Variants in ZDHHC6 observed in about 807,000 individuals in gnomAD.
The protein encoded by ZDHHC6 is palmitoyltransferase ZDHHC6.
A neutral mutation model predicts 57.8 loss-of-function variants in ZDHHC6; 32 were observed. The ratio of observed to expected loss-of-function variants is 0.55; its 90% CI spans 0.42 to 0.74. The LOEUF is 0.74. Among genes scored for constraint, ZDHHC6 ranks in the 30% least tolerant of loss-of-function variants. The pLI is 0.00. For synonymous variants in ZDHHC6, 128 were observed against 158.0 expected (o/e 0.81, Z 1.42); for missense variants, 433 against 500.7 (o/e 0.86, Z 1.29).
At chr10:112,425,647 T>C, downstream of ZDHHC6, 1 of 613,412 alleles carries the variant, frequency 1.6e-6, no homozygotes, top group Non-Finnish European at 2.5e-6. Flanking sequence ...TAAGGCAATT[T>C]CAATTTAAAA....
chr10:112,436,193 C>T (rs969734980), intron 6 of ZDHHC6, among the ~76,000 whole-genome samples: 3 of 152,004 alleles, frequency 2.0e-5, no homozygotes, highest in Non-Finnish European at 2.9e-5. Flanking sequence ...AAAAGAAGTC[C>T]GCCAGGTGCA....
At chr10:112,439,628 TAAAAAAAAAAAAAAAAAAAAA>T (rs869272293) in intron 5 of ZDHHC6, among the ~76,000 whole-genome samples, 65 of 31,304 alleles carry the variant, frequency 2.1e-3, no homozygotes, top group East Asian at 0.011. Context: ...AGACTCCGTC[TAAAAAAAAAAAAAAAAAAAAA>T]AAAAAAAAAA....
Position 112,434,279 on chromosome 10 carries a change from T to G in ZDHHC6, c.903+18A>C. Reference sequence around the variant, plus strand: ...AGGCGAGGCAAAAAGGAAGGGCTATTTGAACAAAAATACTCACTGTTAAGC... The same window carrying G: ...AGGCGAGGCAAAAAGGAAGGGCTATGTGAACAAAAATACTCACTGTTAAGC... On this transcript the variant is annotated intron_variant, in intron 7 of 10. Transcript: ENST00000369405. The G allele has an allele frequency of 6.5e-7, 1 of 1,539,226 alleles. No individual in the cohort carries two copies.
chr10:112,445,473 T>A lies in ZDHHC6; in HGVS notation c.-37A>T. The A allele has an allele frequency of 2.5e-6, 4 of 1,597,558 alleles. No homozygotes were observed. The highest frequency in any genetic ancestry group is 3.4e-6 in the Non-Finnish European group (4 of 1,171,412). On this transcript the variant is annotated 5_prime_UTR_variant, in exon 2 of 11. Transcript: ENST00000369405. ...AGAATGCCTTCCTACTTTAAAAGAA[T>A]TATAGATTTCCTTTTTCTGTGCGCA... is the stretch of plus-strand genomic sequence containing the variant.
downstream of ZDHHC6, chr10:112,427,286 A>G: frequency 6.2e-7 from 1 of 1,614,028 alleles, no homozygotes; most frequent in Non-Finnish European, 8.5e-7. Flanking sequence ...CAACATTGAA[A>G]GCAAAGCGAG....
At chr10:112,428,711 C>T (rs1844832728), downstream of ZDHHC6, among the ~76,000 whole-genome samples, 2 of 151,806 alleles carry the variant, frequency 1.3e-5, no homozygotes, top group Non-Finnish European at 1.5e-5. Context: ...GCGGAGCTTG[C>T]AGCGAGCCGA....
chr10:112,438,950 A>G (rs1354496075), intron 5 of ZDHHC6, among the ~76,000 whole-genome samples: 1 of 152,194 alleles, frequency 6.6e-6, no homozygotes, highest in Non-Finnish European at 1.5e-5. Flanking sequence ...TTTATTTCTA[A>G]TATGATTCTA....
At chr10:112,426,990 A>T, downstream of ZDHHC6, 14 of 927,158 alleles carry the variant, frequency 1.5e-5, no homozygotes, top group Non-Finnish European at 2.3e-5. Flanking sequence ...CTACAAAATG[A>T]CCTTTTGTAG....
chr10:112,439,156 T>A (rs1317946740), intron 5 of ZDHHC6, among the ~76,000 whole-genome samples: 1 of 152,116 alleles, frequency 6.6e-6, no homozygotes, highest in African/African-American at 2.4e-5. Flanking sequence ...GCCATTGCAC[T>A]CCAGCCTGGG....
chr10:112,435,481 A>G (rs1845438027), intron 6 of ZDHHC6, among the ~76,000 whole-genome samples: 1 of 152,204 alleles, frequency 6.6e-6, no homozygotes, highest in Non-Finnish European at 1.5e-5. Flanking sequence ...GTCATCCACA[A>G]AAACAAACAA....
At chr10:112,446,306 G>C (rs1001400886) in intron 1 of ZDHHC6, among the ~76,000 whole-genome samples, 7 of 152,156 alleles carry the variant, frequency 4.6e-5, no homozygotes, top group Admixed American at 1.3e-4. Flanking sequence ...TGTGGTGTGT[G>C]TGAAATTATG....
intron 1 of ZDHHC6, 139 bp downstream of exon 1, chr10:112,446,566 G>C (rs1028446732): frequency 1.3e-5 from 2 of 152,162 alleles, no homozygotes; most frequent in Admixed American, 1.3e-4. Flanking sequence ...TGGAGCAGAG[G>C]GCTTAGAAAT....
At chr10:112,431,425 TGCCTCA>T (rs1329086207) in intron 10 of ZDHHC6, among the ~76,000 whole-genome samples, 1 of 152,108 alleles carries the variant, frequency 6.6e-6, no homozygotes, top group African/African-American at 2.4e-5. Flanking sequence ...GCAATTCTCC[TGCCTCA>T]GCCTCTGGAG....
chr10:112,447,489 A>G (rs1336354583), upstream of ZDHHC6: 7 of 1,611,148 alleles, frequency 4.3e-6, no homozygotes, highest in Non-Finnish European at 5.9e-6. Context: ...GCCCGGCTGG[A>G]CGAGGGTGCT....
chr10:112,442,203 G>A lies in ZDHHC6; in HGVS notation c.508C>T (p.Leu170Phe). ...TCATTTTCACTTACCCGATGATAAA[G>A]CTGTGTGTACATAGTCATCACAAAA... The part of the protein sequence containing the change: ...FIFVMTMYTQ[L>F]YHRLSFGWNT... Residue 170 changes from leucine to phenylalanine, a missense_variant, in exon 4 of 11, where the codon CTT (leucine) becomes TTT (phenylalanine). By Grantham distance (22) the Leu-to-Phe change is conservative (BLOSUM62 0). Coordinates refer to ENST00000369405, the MANE Select transcript of ZDHHC6 (RefSeq NM_022494.3). 1 of 1,607,766 alleles carries A rather than the reference G, an allele frequency of 6.2e-7. No homozygotes were observed. Among genetic ancestry groups the A allele is most frequent in the Non-Finnish European group, 8.5e-7 (1 of 1,178,236 alleles).
intron 5 of ZDHHC6, among the ~76,000 whole-genome samples, 166 bp from the exon 6 acceptor site, chr10:112,438,555 A>G (rs1233942776): frequency 6.6e-6 from 1 of 152,002 alleles, no homozygotes; most frequent in Non-Finnish European, 1.5e-5. Context: ...GTCTGACTCC[A>G]AAGTCCTTGT....
chr10:112,447,104 G>T (rs574469129), upstream of ZDHHC6: 3 of 481,782 alleles, frequency 6.2e-6, no homozygotes, highest in African/African-American at 5.7e-5. Context: ...CGCTTTTCTG[G>T]GGGGAGGCAC....
rs151081647 is a variant in ZDHHC6, at chr10:112,430,850, T to A, written c.1196A>T (p.Asp399Val). The A allele has an allele frequency of 6.2e-7, 1 of 1,614,014 alleles. No individual in the cohort carries two copies. The highest frequency in any genetic ancestry group is 1.1e-5 in the South Asian group (1 of 91,052). The change falls in exon 11 of 11, where the codon GAT (aspartate) becomes GTT (valine). Residue 399 changes from aspartate to valine, a missense_variant. Transcript: ENST00000369405. ...CTCTGGGGCTTGATCTGTTTCAGCA[T>A]CACAGGGACACTTTTCCACACATTT... Reference protein sequence around the residue: ...PRKCVEKCPCDAETDQAPEGE... With the variant: ...PRKCVEKCPCVAETDQAPEGE...
chr10:112,426,098 T>G (rs1589705140), downstream of ZDHHC6, among the ~76,000 whole-genome samples: 1 of 152,226 alleles, frequency 6.6e-6, no homozygotes, highest in South Asian at 2.1e-4. Flanking sequence ...TACAGTTCCA[T>G]GGTGTTGAAA....
Sources: gnomAD v4.1 joint callset for allele counts (sites outside exome capture counted in the v4.1 genomes callset) on GRCh38, gnomAD v4.1.1 for gene constraint, MANE v1.5 for transcripts, NCBI Gene and HGNC (gene_info 2026-07-23, HGNC 2026-07-21) for gene names.